TMX2: variants seen among roughly 807,000 people sequenced by gnomAD.
TMX2 encodes the protein thioredoxin-related transmembrane protein 2.
Under a neutral mutation model 33.4 loss-of-function variants are expected in TMX2, and 20 were observed. The observed-to-expected ratio is 0.60, with a 90% CI of 0.42 to 0.87. The LOEUF is 0.87. Ranked by LOEUF, TMX2 falls within the 40% of genes least tolerant of loss-of-function variation. The probability of loss-of-function intolerance (pLI) is 0.00; values close to 1 mark genes in which losing one functional copy is unlikely to be tolerated. For synonymous variants in TMX2, 166 were observed against 140.7 expected, an observed-to-expected ratio of 1.18 and a Z score of -1.27; for missense variants, 340 against 370.7, an observed-to-expected ratio of 0.92 and a Z score of 0.68.
At chr11:57,733,637 T>C (rs1948545919) in intron 1 of TMX2, among the ~76,000 whole-genome samples, 1 of 152,160 alleles carries the variant, frequency 6.6e-6, no homozygotes, top group African/African-American at 2.4e-5. Context: ...GGGTAGCATA[T>C]ATGAATTGGA....
chr11:57,735,231 CGTT>C (rs767550875), intron 1 of TMX2, among the ~76,000 whole-genome samples: 6 of 150,426 alleles, frequency 4.0e-5, no homozygotes, highest in Non-Finnish European at 8.9e-5. Context: ...TTTTTTGAGA[CGTT>C]GTTTCACTCT....
rs183747592 is a variant in TMX2, at chr11:57,738,961, A to G, written c.549-13A>G. Reference sequence around the variant, plus strand: ...ATTTTTTTTCAGCATATTAAATAATATATTCTTTTCAGATACAACTGTACA... The same window carrying G: ...ATTTTTTTTCAGCATATTAAATAATGTATTCTTTTCAGATACAACTGTACA... On this transcript the variant is annotated splice_polypyrimidine_tract_variant and intron_variant, in intron 5 of 7. Coordinates refer to ENST00000278422, the MANE Select transcript of TMX2 (RefSeq NM_015959.4). The G allele has an allele frequency of 6.2e-7, 1 of 1,611,616 alleles. No individual in the cohort carries two copies. The highest frequency in any genetic ancestry group is 1.7e-5 in the Admixed American group (1 of 59,898).
chr11:57,732,833 T>C (rs1216237776), intron 1 of TMX2, among the ~76,000 whole-genome samples: 1 of 151,510 alleles, frequency 6.6e-6, no homozygotes, highest in Non-Finnish European at 1.5e-5. Context: ...TGGTGGGGGG[T>C]GGGGTGGGGC....
chr11:57,729,111 C>T (rs532841144), intron 1 of TMX2, among the ~76,000 whole-genome samples: 23 of 151,772 alleles, frequency 1.5e-4, no homozygotes, highest in Non-Finnish European at 1.0e-4. Flanking sequence ...TACAGCTCAG[C>T]TCCTCTAAGG....
At chr11:57,718,502 G>A in intron 1 of TMX2, 1 of 821,064 alleles carries the variant, frequency 1.2e-6, no homozygotes, top group Non-Finnish European at 2.1e-6. Context: ...ACCATCCACG[G>A]TGATGTCAAA....
At chr11:57,717,190 C>T (rs980305192) in intron 1 of TMX2, among the ~76,000 whole-genome samples, 3 of 151,610 alleles carry the variant, frequency 2.0e-5, no homozygotes, top group Non-Finnish European at 4.4e-5. Context: ...GGGATGGCGG[C>T]CGGGCAGAGA....
chr11:57,712,937 T>G (rs996513817), intron 1 of TMX2, 130 bp downstream of exon 1: 73 of 954,754 alleles, frequency 7.6e-5, no homozygotes, highest in Non-Finnish European at 1.1e-4. Context: ...TTAGAGACTA[T>G]TAAGTGCAGG....
chr11:57,738,936 AT>A (rs754575298), intron 5 of TMX2, 37 bp from the exon 6 acceptor site: 65 of 1,591,770 alleles, frequency 4.1e-5, no homozygotes, highest in African/African-American at 3.2e-4. Flanking sequence ...TTGATCCATT[AT>A]TTTTTTTCAG....
chr11:57,726,771 T>A (rs1044093322), intron 1 of TMX2, among the ~76,000 whole-genome samples: 5 of 152,226 alleles, frequency 3.3e-5, no homozygotes, highest in African/African-American at 1.2e-4. Context: ...CCCATTTAAT[T>A]TATATCCTCC....
intron 1 of TMX2, among the ~76,000 whole-genome samples, chr11:57,727,631 A>G (rs1175927969): frequency 6.6e-6 from 1 of 152,150 alleles, no homozygotes; most frequent in Non-Finnish European, 1.5e-5. Context: ...TTTACCCCAA[A>G]ATCTGTTTCC....
intron 1 of TMX2, among the ~76,000 whole-genome samples, chr11:57,714,434 G>C (rs1443958750): frequency 6.6e-6 from 1 of 152,174 alleles, no homozygotes; most frequent in East Asian, 1.9e-4. Context: ...TTAGAGTCTG[G>C]AGGGCAGTCA....
At chr11:57,724,852 A>G (rs535850591) in intron 1 of TMX2, among the ~76,000 whole-genome samples, 1 of 152,010 alleles carries the variant, frequency 6.6e-6, no homozygotes, top group African/African-American at 2.4e-5. Flanking sequence ...AGCCTGGCCA[A>G]GGTGGTGAAA....
chr11:57,740,411 C>A lies in TMX2; in HGVS notation c.*166C>A. On this transcript the variant is annotated 3_prime_UTR_variant, in exon 8 of 8. Transcript: ENST00000278422. Reference sequence around the variant, plus strand: ...AGGCATCTAGGGAATTGTCAGGCACCCTACAGGAAGGCCTGCCATGCTGTG... The same window carrying A: ...AGGCATCTAGGGAATTGTCAGGCACACTACAGGAAGGCCTGCCATGCTGTG... 2.5e-6 allele frequency: 2 copies of A among 812,442 alleles called. No homozygotes were observed. The highest frequency in any genetic ancestry group is 2.1e-5 in the South Asian group (1 of 48,008). The allele number at this position is 812,442 out of a possible 1,614,324, so 50.3% of individuals were successfully genotyped here.
intron 1 of TMX2, among the ~76,000 whole-genome samples, chr11:57,714,163 G>A (rs1156278434): frequency 6.6e-6 from 1 of 152,116 alleles, no homozygotes; most frequent in Non-Finnish European, 1.5e-5. Context: ...TTCACTATAA[G>A]CTGAGTTGGT....
Position 57,739,190 on chromosome 11 carries a change from G to A in TMX2, c.674G>A (p.Gly225Asp), listed in dbSNP as rs1948933190. ...CTCCCTACCCTGATCCTGTTCCAAGGTGGCAAGGAGGCAATGCGGCGGCCA... is the reference window on the plus strand; with the variant it reads ...CTCCCTACCCTGATCCTGTTCCAAGATGGCAAGGAGGCAATGCGGCGGCCA... ...KQLPTLILFQ[G>D]GKEAMRRPQI... The change falls in exon 7 of 8, where the codon GGT (glycine) becomes GAT (aspartate). Residue 225 changes from glycine (G) to aspartate (D), a missense_variant. Physicochemically the swap from Gly to Asp is moderately conservative, Grantham distance 94. Coordinates refer to ENST00000278422, the MANE Select transcript of TMX2 (RefSeq NM_015959.4). 6.2e-7 allele frequency: 1 copy of A among 1,613,944 alleles called. No individual in the cohort carries two copies. Among genetic ancestry groups the A allele is most frequent in the Non-Finnish European group, 8.5e-7 (1 of 1,180,030 alleles).
chr11:57,733,838 T>G (rs1462157383), intron 1 of TMX2, among the ~76,000 whole-genome samples: 1 of 152,060 alleles, frequency 6.6e-6, no homozygotes, highest in Non-Finnish European at 1.5e-5. Flanking sequence ...CCTGTGGCCT[T>G]GGGTCATCCC....
intron 5 of TMX2, 101 bp downstream of exon 5, chr11:57,738,871 T>C (rs1948911596): frequency 1.3e-6 from 2 of 1,532,488 alleles, no homozygotes; most frequent in East Asian, 2.3e-5. Flanking sequence ...TTTTCACACA[T>C]GGTAACCAAA....
intron 1 of TMX2, among the ~76,000 whole-genome samples, chr11:57,723,307 C>T (rs1346078858): frequency 6.7e-6 from 1 of 149,782 alleles, no homozygotes; most frequent in Non-Finnish European, 1.5e-5. Context: ...TGATGAAACC[C>T]CATCTCTACT....
chr11:57,716,667 ACCC>A (rs1178005804), intron 1 of TMX2, among the ~76,000 whole-genome samples: 1 of 97,582 alleles, frequency 1.0e-5, no homozygotes, highest in African/African-American at 4.1e-5. Context: ...CGGGGGGCTG[ACCC>A]CCCCACCTCC....
Sources: allele counts gnomAD v4.1 joint callset (sites outside exome capture counted in the v4.1 genomes callset), GRCh38; gene constraint gnomAD v4.1.1; transcripts MANE v1.5; gene names NCBI Gene and HGNC (gene_info 2026-07-23, HGNC 2026-07-21).